Variants in REDIC1 observed in about 807,000 individuals in gnomAD.
REDIC1 encodes the protein HEI10 Interacting Protein 1.
chr12:39,635,416 G>T, the REDIC1 span, among the ~76,000 whole-genome samples: 10 of 152,126 alleles, frequency 6.6e-5, no homozygotes, highest in Non-Finnish European at 1.5e-4. Flanking sequence ...ATGGTAGACT[G>T]AATTAAGAAA....
At chr12:39,864,779 G>A in the REDIC1 span, 1 of 1,613,974 alleles carries the variant, frequency 6.2e-7, no homozygotes, top group Non-Finnish European at 8.5e-7. Context: ...TTGTGCAAGT[G>A]GCGTTCTGAC....
the REDIC1 span, among the ~76,000 whole-genome samples, chr12:39,677,480 G>A: frequency 6.6e-6 from 1 of 150,554 alleles, no homozygotes; most frequent in Non-Finnish European, 1.5e-5. Context: ...GAGATAGATG[G>A]CAAATAATAG....
the REDIC1 span, among the ~76,000 whole-genome samples, chr12:39,817,422 T>C: frequency 1.6e-5 from 2 of 128,832 alleles, no homozygotes; most frequent in South Asian, 2.3e-4. Flanking sequence ...TTGTGGGTCA[T>C]CTGCTCCACA....
the REDIC1 span, among the ~76,000 whole-genome samples, chr12:39,781,550 G>T: frequency 2.6e-5 from 4 of 152,192 alleles, no homozygotes; most frequent in Admixed American, 6.5e-5. Context: ...ACAAAATATT[G>T]TCTCACAGTT....
At chr12:39,710,913 C>T in the REDIC1 span, among the ~76,000 whole-genome samples, 1 of 150,690 alleles carries the variant, frequency 6.6e-6, no homozygotes, top group African/African-American at 2.4e-5. Context: ...ATTTTTACCA[C>T]AAGTTATTGG....
the REDIC1 span, among the ~76,000 whole-genome samples, chr12:39,831,860 T>C: frequency 6.6e-6 from 1 of 152,154 alleles, no homozygotes; most frequent in Non-Finnish European, 1.5e-5. Flanking sequence ...CAGAAGCAGA[T>C]GTCAGCACCA....
the REDIC1 span, among the ~76,000 whole-genome samples, chr12:39,838,106 C>A: frequency 6.8e-5 from 10 of 146,436 alleles, no homozygotes; most frequent in South Asian, 2.2e-3. Flanking sequence ...GTCCAACAAT[C>A]ATAGACTGGA....
At chr12:39,864,661 C>A in the REDIC1 span, 2 of 1,463,026 alleles carry the variant, frequency 1.4e-6, no homozygotes, top group African/African-American at 1.4e-5. Flanking sequence ...GCCTGGATGC[C>A]CAGCAAGCTC....
At chr12:39,697,592 CAGAG>C in the REDIC1 span, among the ~76,000 whole-genome samples, 1 of 151,994 alleles carries the variant, frequency 6.6e-6, no homozygotes, top group African/African-American at 2.4e-5. Context: ...ATAGAAACAA[CAGAG>C]AGTTAAAAAG....
chr12:39,727,623 A>G, the REDIC1 span, among the ~76,000 whole-genome samples: 1 of 152,136 alleles, frequency 6.6e-6, no homozygotes, highest in Non-Finnish European at 1.5e-5. Context: ...TTGGTTCCAT[A>G]TGAAATTTAG....
the REDIC1 span, among the ~76,000 whole-genome samples, chr12:39,712,698 TG>T: frequency 2.5e-4 from 1 of 4,048 alleles, no homozygotes; most frequent in African/African-American, 1.9e-3. Flanking sequence ...TACGTATACG[TG>T]TATATATGTA....
At chr12:39,642,134 T>G in the REDIC1 span, among the ~76,000 whole-genome samples, 4 of 151,788 alleles carry the variant, frequency 2.6e-5, no homozygotes, top group Non-Finnish European at 5.9e-5. Context: ...TTTCTAGTTG[T>G]TTTTACCAAG....
chr12:39,659,720 A>G, the REDIC1 span, among the ~76,000 whole-genome samples: 3 of 151,830 alleles, frequency 2.0e-5, no homozygotes, highest in Non-Finnish European at 4.4e-5. Context: ...GAATTCCATT[A>G]TTTTTGTCAT....
the REDIC1 span, among the ~76,000 whole-genome samples, chr12:39,734,285 A>T: frequency 6.6e-6 from 1 of 152,156 alleles, no homozygotes; most frequent in Non-Finnish European, 1.5e-5. Context: ...CCTCAGATGG[A>T]AATGCAGAAA....
chr12:39,638,020 G>C, the REDIC1 span, among the ~76,000 whole-genome samples: 2 of 151,956 alleles, frequency 1.3e-5, no homozygotes, highest in Non-Finnish European at 2.9e-5. Context: ...TTTATGTGTG[G>C]TGTATCTGTC....
the REDIC1 span, among the ~76,000 whole-genome samples, chr12:39,868,827 C>T: frequency 6.6e-6 from 1 of 152,164 alleles, no homozygotes; most frequent in African/African-American, 2.4e-5. Flanking sequence ...AAATGTCCTA[C>T]ATTTAAGATT....
At chr12:39,639,478 A>G in the REDIC1 span, among the ~76,000 whole-genome samples, 2 of 151,980 alleles carry the variant, frequency 1.3e-5, no homozygotes, top group Non-Finnish European at 2.9e-5. Flanking sequence ...AGTAATTGTC[A>G]TTGGTAAAGT....
the REDIC1 span, chr12:39,716,679 A>T: frequency 4.8e-6 from 5 of 1,048,558 alleles, no homozygotes; most frequent in Non-Finnish European, 6.9e-6. Context: ...TTACCAGCAG[A>T]TATCTTCTGC....
chr12:39,788,180 A>G, the REDIC1 span, among the ~76,000 whole-genome samples: 1 of 152,168 alleles, frequency 6.6e-6, no homozygotes, highest in Non-Finnish European at 1.5e-5. Flanking sequence ...ACCAAACCCT[A>G]TAGATGCTGT....
Sources: allele counts gnomAD v4.1 joint callset (sites outside exome capture counted in the v4.1 genomes callset), GRCh38; gene constraint gnomAD v4.1.1; transcripts MANE v1.5; gene names NCBI Gene and HGNC (gene_info 2026-07-23, HGNC 2026-07-21).